Variants in LRMDA observed in about 807,000 individuals in gnomAD.
LRMDA encodes the protein leucine-rich melanocyte differentiation-associated protein.
In LRMDA, 18 loss-of-function variants were observed where a neutral mutation model predicts 29.8. The ratio of observed to expected loss-of-function variants is 0.60; its 90% CI spans 0.42 to 0.90. LRMDA has a LOEUF of 0.90. Ranked by LOEUF, LRMDA falls within the 40% of genes least tolerant of loss-of-function variation. The pLI is 0.00. For missense variants in LRMDA, 273 were observed against 273.9 expected, an observed-to-expected ratio of 1.00 and a Z score of 0.02; for synonymous variants, 125 against 109.4, an observed-to-expected ratio of 1.14 and a Z score of -0.89.
intron 5 of LRMDA, among the ~76,000 whole-genome samples, chr10:76,086,076 T>G (rs1003912597): frequency 6.6e-6 from 1 of 152,222 alleles, no homozygotes; most frequent in Non-Finnish European, 1.5e-5. Flanking sequence ...ACCAAATTTC[T>G]CTTCTGGGGA....
chr10:76,298,738 C>G lies in LRMDA; in HGVS notation c.517-25663C>G, dbSNP rs1243873046. On this transcript the variant is annotated intron_variant, in intron 5 of 6. Coordinates refer to ENST00000611255, the MANE Select transcript of LRMDA (RefSeq NM_001305581.2). ...CCTTAAAAAGTTACTTTCTAGAATTCTTTCTTCCATGAAGCATACCATTCT... is the reference window on the plus strand; with the variant it reads ...CCTTAAAAAGTTACTTTCTAGAATTGTTTCTTCCATGAAGCATACCATTCT... 2.0e-5 allele frequency among the ~76,000 whole-genome samples: 3 copies of G among 152,166 alleles called. No homozygotes were observed. In the South Asian group the frequency reaches 6.2e-4, roughly 32 times the overall value.
At chr10:76,024,189 A>C (rs768227597) in intron 2 of LRMDA, among the ~76,000 whole-genome samples, 1 of 152,238 alleles carries the variant, frequency 6.6e-6, no homozygotes, top group Non-Finnish European at 1.5e-5. Flanking sequence ...TGAAAACACC[A>C]CACTGGCTTC....
intron 2 of LRMDA, among the ~76,000 whole-genome samples, chr10:75,967,794 GA>G (rs1347669635): frequency 6.6e-6 from 1 of 152,072 alleles, no homozygotes. Flanking sequence ...AGGAGCTGAG[GA>G]GGGGAAGAAG....
chr10:75,577,740 T>A (rs566002916), intron 2 of LRMDA, among the ~76,000 whole-genome samples: 1 of 152,276 alleles, frequency 6.6e-6, no homozygotes, highest in African/African-American at 2.4e-5. Flanking sequence ...TATTCAACAT[T>A]CTTAAAGAAA....
intron 2 of LRMDA, among the ~76,000 whole-genome samples, chr10:75,633,172 A>G (rs1258141168): frequency 6.6e-6 from 1 of 152,182 alleles, no homozygotes; most frequent in African/African-American, 2.4e-5. Context: ...TTGTGCGCAC[A>G]TTCTTTTAGA....
At chr10:75,682,992 T>C (rs1488398110) in intron 2 of LRMDA, among the ~76,000 whole-genome samples, 1 of 152,244 alleles carries the variant, frequency 6.6e-6, no homozygotes, top group Non-Finnish European at 1.5e-5. Flanking sequence ...AACTTTCATC[T>C]GCTTTAATTC....
At chr10:75,968,886 T>C (rs1160843016) in intron 2 of LRMDA, among the ~76,000 whole-genome samples, 1 of 152,206 alleles carries the variant, frequency 6.6e-6, no homozygotes, top group Non-Finnish European at 1.5e-5. Context: ...TATGTGGCTA[T>C]TGAGTTTGGT....
At chr10:76,496,164 A>C (rs539707367) in intron 6 of LRMDA, among the ~76,000 whole-genome samples, 1 of 74,996 alleles carries the variant, frequency 1.3e-5, no homozygotes, top group East Asian at 2.6e-4. Flanking sequence ...TGGTGGGAAC[A>C]TGAACTATCC....
At chr10:75,555,294 A>G (rs949881442) in intron 2 of LRMDA, among the ~76,000 whole-genome samples, 1 of 152,220 alleles carries the variant, frequency 6.6e-6, no homozygotes, top group African/African-American at 2.4e-5. Flanking sequence ...TTTTCTCTTG[A>G]GTACAGCCTT....
At chr10:75,461,098 C>T (rs113523877) in intron 2 of LRMDA, among the ~76,000 whole-genome samples, 3 of 152,148 alleles carry the variant, frequency 2.0e-5, no homozygotes, top group African/African-American at 7.2e-5. Context: ...TTAATAAGAG[C>T]ATACCAATTT....
At chr10:75,943,115 A>G (rs540734677) in intron 2 of LRMDA, among the ~76,000 whole-genome samples, 22 of 151,398 alleles carry the variant, frequency 1.5e-4, no homozygotes, top group African/African-American at 5.3e-4. Flanking sequence ...ATGAAGTTAA[A>G]GGGTTCTAAA....
chr10:75,707,917 C>T (rs1356733656), intron 2 of LRMDA, among the ~76,000 whole-genome samples: 5 of 152,154 alleles, frequency 3.3e-5, no homozygotes, highest in Admixed American at 3.3e-4. Context: ...TGCTGCCTCT[C>T]GGTCAGGATT....
At chr10:75,592,314 G>A (rs1009435579) in intron 2 of LRMDA, among the ~76,000 whole-genome samples, 1 of 152,174 alleles carries the variant, frequency 6.6e-6, no homozygotes, top group Non-Finnish European at 1.5e-5. Context: ...CCCTAGACGC[G>A]TGGCGCTTTT....
At chr10:76,146,783 A>G (rs1364614749) in intron 5 of LRMDA, among the ~76,000 whole-genome samples, 1 of 152,140 alleles carries the variant, frequency 6.6e-6, no homozygotes, top group African/African-American at 2.4e-5. Flanking sequence ...CCTAGCCTTG[A>G]TAGTCTTTAC....
At chr10:75,712,289 G>T (rs1197021626) in intron 2 of LRMDA, among the ~76,000 whole-genome samples, 1 of 151,918 alleles carries the variant, frequency 6.6e-6, no homozygotes, top group East Asian at 1.9e-4. Flanking sequence ...CATTCCCCTC[G>T]ATAGGAAAGG....
At position 76,340,142 on chromosome 10, in the gene LRMDA, G is replaced by T. The variant is rs558554639; in HGVS notation, c.601+15657G>T. Among the ~76,000 whole-genome samples, 38 of 152,214 alleles carry T rather than the reference G, an allele frequency of 2.5e-4. 1 individual carries two copies. In the South Asian group the frequency reaches 3.1e-3, roughly 12 times the overall value. On this transcript the variant is annotated intron_variant, in intron 6 of 6. Transcript: ENST00000611255. ...ATATTGAAAGGTTAGTTTACTTTTA[G>T]AATTTATCAGTAAATGTGTCATATT...
intron 2 of LRMDA, among the ~76,000 whole-genome samples, chr10:75,737,255 A>G (rs946502817): frequency 1.3e-5 from 2 of 152,216 alleles, no homozygotes; most frequent in Non-Finnish European, 2.9e-5. Flanking sequence ...AACCCTTTCT[A>G]ATCAACCAGG....
In LRMDA at chr10:75,931,076, C is replaced by G. The variant is rs144674001; in HGVS notation, c.132-104932C>G. 1.8e-4 allele frequency among the ~76,000 whole-genome samples: 28 copies of G among 152,288 alleles called. No individual in the cohort carries two copies. The East Asian group carries it at 4.1e-3, about 22-fold the overall frequency. On this transcript the variant is annotated intron_variant, in intron 2 of 6. Coordinates refer to ENST00000611255, the MANE Select transcript of LRMDA (RefSeq NM_001305581.2). Reference sequence around the variant, plus strand: ...AACAGACAAGAGACAATTATGCCATCCTATCTAGTTCCCGCTACTGCATCA... The same window carrying G: ...AACAGACAAGAGACAATTATGCCATGCTATCTAGTTCCCGCTACTGCATCA...
rs1473792566 is a variant in LRMDA, at chr10:76,557,648, T to C, written c.*360T>C. Reference sequence around the variant, plus strand: ...GTCACACCTGGGGCCTCCCTGGACATGCTCAGTGGCTGCAGTCAAGTGAGA... The same window carrying C: ...GTCACACCTGGGGCCTCCCTGGACACGCTCAGTGGCTGCAGTCAAGTGAGA... On this transcript the variant is annotated 3_prime_UTR_variant, in exon 7 of 7. Coordinates refer to ENST00000611255, the MANE Select transcript of LRMDA (RefSeq NM_001305581.2). 1 of 257,928 alleles carries C rather than the reference T, an allele frequency of 3.9e-6. No individual in the cohort carries two copies. 16.0% of individuals were successfully genotyped at this position (257,928 alleles called of 1,614,324 possible). A position where few individuals can be genotyped will look rare whatever the true frequency, so the allele number is the denominator to read the frequency against.
Sources: gnomAD v4.1 joint callset for allele counts (sites outside exome capture counted in the v4.1 genomes callset) on GRCh38, gnomAD v4.1.1 for gene constraint, MANE v1.5 for transcripts, NCBI Gene and HGNC (gene_info 2026-07-23, HGNC 2026-07-21) for gene names.